Variants in SHTN1 observed in about 807,000 individuals in gnomAD.
SHTN1 encodes the protein shootin 1.
In SHTN1, 42 loss-of-function variants were observed where a neutral mutation model predicts 83.1. The ratio of observed to expected loss-of-function variants is 0.51; its 90% CI spans 0.39 to 0.65. SHTN1 has a LOEUF of 0.65. Among genes scored for constraint, SHTN1 ranks in the 30% least tolerant of loss-of-function variants. The pLI is 0.00. For synonymous variants in SHTN1, 224 were observed against 247.7 expected (o/e 0.90, Z 0.90); for missense variants, 622 against 737.8 (o/e 0.84, Z 1.82).
intron 1 of SHTN1, among the ~76,000 whole-genome samples, chr10:117,104,752 C>T (rs552511906): frequency 6.6e-6 from 1 of 152,094 alleles, no homozygotes; most frequent in Non-Finnish European, 1.5e-5. Context: ...GCAGCCTGGG[C>T]GACAGAGCGA....
At chr10:117,038,938 T>G (rs1395873441) in intron 2 of SHTN1, among the ~76,000 whole-genome samples, 1 of 152,182 alleles carries the variant, frequency 6.6e-6, no homozygotes, top group Non-Finnish European at 1.5e-5. Flanking sequence ...GTTTGGTAGT[T>G]CTTACGAAAC....
intron 1 of SHTN1, among the ~76,000 whole-genome samples, chr10:117,097,030 GAC>G (rs5788209): frequency 0.048 from 7,210 of 148,990 alleles, 243 homozygotes; most frequent in African/African-American, 0.092. Flanking sequence ...CACACACATA[GAC>G]ACACACACAC....
rs1361555877 is a variant in SHTN1, at chr10:116,882,274, G to C, written c.*4070C>G. The C allele has an allele frequency of 6.6e-6, 1 of 151,272 alleles. No homozygotes were observed. The highest frequency in any genetic ancestry group is 6.6e-5 in the Admixed American group (1 of 15,172). The allele number at this position is 151,272 out of a possible 1,614,324, so 9.4% of individuals were successfully genotyped here. The stretch of plus-strand genomic sequence containing the variant: ...ATTTTTATCTTTGCGAGTCTTCTTA[G>C]ATCCTTTTTGGAGTAAGAATGAGTA... On this transcript the variant is annotated 3_prime_UTR_variant, in exon 17 of 17. Coordinates refer to ENST00000355371, the MANE Select transcript of SHTN1 (RefSeq NM_001127211.3).
intron 1 of SHTN1, among the ~76,000 whole-genome samples, chr10:117,069,095 A>C (rs78525530): frequency 6.6e-6 from 1 of 152,194 alleles, no homozygotes; most frequent in East Asian, 1.9e-4. Flanking sequence ...TGAAAAGACC[A>C]TGAAAACTCT....
upstream of SHTN1, among the ~76,000 whole-genome samples, chr10:117,006,241 T>G (rs1034951328): frequency 4.9e-4 from 2 of 4,110 alleles, no homozygotes; most frequent in Non-Finnish European, 0.013. Flanking sequence ...TTTTTTTTTG[T>G]TTTTTTTTTG....
In SHTN1 at chr10:117,087,848, G is replaced by A. The variant is rs145217076; in HGVS notation, c.-189+38459C>T. Among the ~76,000 whole-genome samples the A allele has an allele frequency of 6.6e-5, 10 of 152,274 alleles. No homozygotes were observed. In the East Asian group the frequency reaches 1.9e-3, roughly 29 times the overall value. On this transcript the variant is annotated intron_variant, in intron 1 of 17. Coordinates refer to the SHTN1 transcript ENST00000392901. Reference sequence around the variant, plus strand: ...ATATACAAAAACTTGACTGGGTATAGTCCCGATACTTGGGGAGGCCGAGGC... The same window carrying A: ...ATATACAAAAACTTGACTGGGTATAATCCCGATACTTGGGGAGGCCGAGGC...
At chr10:117,001,662 C>A (rs1049502806) in intron 1 of SHTN1, among the ~76,000 whole-genome samples, 1 of 152,106 alleles carries the variant, frequency 6.6e-6, no homozygotes, top group Non-Finnish European at 1.5e-5. Context: ...TAAGTTTTAA[C>A]ATTTTGATAG....
At chr10:116,965,995 CT>C (rs903075780) in intron 3 of SHTN1, among the ~76,000 whole-genome samples, 16 of 151,796 alleles carry the variant, frequency 1.1e-4, no homozygotes, top group African/African-American at 2.7e-4. Context: ...TTTCTTAGTC[CT>C]TATTTTTTTT....
chr10:117,049,748 A>G (rs1852714863), intron 1 of SHTN1, among the ~76,000 whole-genome samples: 2 of 152,220 alleles, frequency 1.3e-5, no homozygotes. Context: ...GCCACAGTTG[A>G]GGAAATTAAG....
upstream of SHTN1, among the ~76,000 whole-genome samples, chr10:117,006,935 TTC>T (rs987271015): frequency 1.3e-5 from 2 of 152,104 alleles, no homozygotes; most frequent in African/African-American, 4.8e-5. Flanking sequence ...TAGCACTGCT[TTC>T]TCTTTCTCTA....
chr10:117,100,009 C>T (rs998852600), intron 1 of SHTN1, among the ~76,000 whole-genome samples: 2 of 151,912 alleles, frequency 1.3e-5, no homozygotes, highest in African/African-American at 4.8e-5. Context: ...GAAACCCCGT[C>T]TCTACTAAAA....
chr10:116,932,143 G>T (rs1196973523), intron 9 of SHTN1, among the ~76,000 whole-genome samples: 1 of 152,226 alleles, frequency 6.6e-6, no homozygotes, highest in African/African-American at 2.4e-5. Context: ...TGCAGCGGCA[G>T]CCAGCCACAG....
chr10:117,018,568 A>AT (rs36032476), intron 2 of SHTN1, among the ~76,000 whole-genome samples: 3,909 of 31,356 alleles, frequency 0.12, 290 homozygotes, highest in African/African-American at 0.17. Context: ...TGCTCTCACC[A>AT]TTTTTTTTTT....
chr10:117,035,733 G>A (rs1041823237), intron 2 of SHTN1, among the ~76,000 whole-genome samples: 1 of 151,866 alleles, frequency 6.6e-6, no homozygotes, highest in Non-Finnish European at 1.5e-5. Flanking sequence ...AGGCGTCAAG[G>A]TCAGGAGTTC....
intron 3 of SHTN1, among the ~76,000 whole-genome samples, chr10:116,965,688 A>G (rs1850364870): frequency 6.6e-6 from 1 of 152,234 alleles, no homozygotes; most frequent in Admixed American, 6.5e-5. Flanking sequence ...CAGGCATTGG[A>G]TATTTTAGTT....
At chr10:117,077,736 T>C (rs948570525) in intron 1 of SHTN1, among the ~76,000 whole-genome samples, 9 of 152,120 alleles carry the variant, frequency 5.9e-5, no homozygotes, top group African/African-American at 1.9e-4. Flanking sequence ...GTGTTTGGTT[T>C]TTTGTCCTTG....
At chr10:116,973,958 GC>G in intron 2 of SHTN1, 1 of 1,232,434 alleles carries the variant, frequency 8.1e-7, no homozygotes, top group African/African-American at 1.5e-5. Context: ...CCAGAACTGT[GC>G]TTTCTGGATT....
intron 1 of SHTN1, among the ~76,000 whole-genome samples, chr10:117,100,190 A>G (rs968770056): frequency 6.6e-6 from 1 of 152,202 alleles, no homozygotes; most frequent in African/African-American, 2.4e-5. Context: ...AAAATAAATT[A>G]TAAATAAAAA....
upstream of SHTN1, among the ~76,000 whole-genome samples, chr10:117,007,997 G>A (rs1269241637): frequency 6.6e-6 from 1 of 151,988 alleles, no homozygotes; most frequent in Admixed American, 6.6e-5. Context: ...GACAGAGCGA[G>A]ACTCCATCTC....
Sources: gnomAD v4.1 joint callset for allele counts (sites outside exome capture counted in the v4.1 genomes callset) on GRCh38, gnomAD v4.1.1 for gene constraint, MANE v1.5 for transcripts, NCBI Gene and HGNC (gene_info 2026-07-23, HGNC 2026-07-21) for gene names.